The following ST18 variants were observed in gnomAD, a reference collection of about 807,000 sequenced individuals.
ST18 encodes the protein suppression of tumorigenicity 18 protein.
ST18 carries 50 observed loss-of-function variants against 110.0 expected under a neutral mutation model. That is an observed-to-expected ratio of 0.45 (90% CI 0.36 to 0.58). ST18 has a LOEUF of 0.58. Ranked by LOEUF, ST18 falls within the 20% of genes least tolerant of loss-of-function variation. The pLI is 0.00. For synonymous variants in ST18, 461 were observed against 452.4 expected, an observed-to-expected ratio of 1.02 and a Z score of -0.24; for missense variants, 1,306 against 1,280.1, an observed-to-expected ratio of 1.02 and a Z score of -0.31.
intron 15 of ST18, among the ~76,000 whole-genome samples, chr8:52,151,652 C>T (rs187071259): frequency 6.6e-6 from 1 of 152,210 alleles, no homozygotes. Context: ...CTGCCAGGAG[C>T]GCATCAAAAC....
chr8:52,355,440 A>G (rs1476892761), intron 2 of ST18, among the ~76,000 whole-genome samples: 1 of 152,216 alleles, frequency 6.6e-6, no homozygotes, highest in Non-Finnish European at 1.5e-5. Flanking sequence ...ATGAGGACAA[A>G]CAGGCTGGTA....
Position 52,348,751 on chromosome 8 carries a change from A to G in ST18, c.-465+60577T>C, listed in dbSNP as rs901092452. Among the ~76,000 whole-genome samples, 13 of 152,332 alleles carry G rather than the reference A, an allele frequency of 8.5e-5. No individual in the cohort carries two copies. In the South Asian group the frequency reaches 2.5e-3, roughly 29 times the overall value. ...AAAATGCAAAACTCCACCTCAAAAA[A>G]AATTGTATATATTTATCATGTACAG... On this transcript the variant is annotated intron_variant, in intron 2 of 25. Coordinates refer to ENST00000689386, the MANE Select transcript of ST18 (RefSeq NM_001352837.2).
At chr8:52,394,023 A>G (rs925638912) in intron 2 of ST18, 2 of 152,288 alleles carry the variant, frequency 1.3e-5, no homozygotes, top group Admixed American at 6.5e-5. Context: ...TACTGCCAAG[A>G]TCATCTAAGT....
chr8:52,165,318 C>A, intron 11 of ST18, 93 bp from the exon 12 acceptor site: 1 of 1,238,976 alleles, frequency 8.1e-7, no homozygotes, highest in Middle Eastern at 1.9e-4. Context: ...ATTTAAATGA[C>A]TTCAGTTCCA....
In ST18 at chr8:52,111,702, T is replaced by A. The variant is rs1484933034; in HGVS notation, c.*1496A>T. ...TATAGCACAGAAAATTAAGCCCACA[T>A]GAAGTTCATGTGTACATTTACACAG... On this transcript the variant is annotated 3_prime_UTR_variant, in exon 26 of 26. Coordinates refer to ENST00000689386, the MANE Select transcript of ST18 (RefSeq NM_001352837.2). 6.6e-6 allele frequency: 1 copy of A among 152,598 alleles called. No individual in the cohort carries two copies. Among genetic ancestry groups the A allele is most frequent in the African/African-American group, 2.4e-5 (1 of 41,428 alleles). 9.5% of individuals were successfully genotyped at this position (152,598 alleles called of 1,614,324 possible). A position where few individuals can be genotyped will look rare whatever the true frequency, so the allele number is the denominator to read the frequency against.
At chr8:52,146,900 A>T (rs1409552948) in intron 16 of ST18, among the ~76,000 whole-genome samples, 1 of 152,214 alleles carries the variant, frequency 6.6e-6, no homozygotes, top group Non-Finnish European at 1.5e-5. Flanking sequence ...TTCCCAACCA[A>T]TGAATCACCC....
At chr8:52,251,157 G>A (rs2094283969) in intron 2 of ST18, among the ~76,000 whole-genome samples, 1 of 152,114 alleles carries the variant, frequency 6.6e-6, no homozygotes, top group Admixed American at 6.5e-5. Context: ...GGAGCAACTA[G>A]TTTGAAGTGT....
chr8:52,228,866 TTCCA>T (rs1203844624), intron 3 of ST18, among the ~76,000 whole-genome samples: 39 of 152,092 alleles, frequency 2.6e-4, no homozygotes, highest in Admixed American at 2.6e-3. Context: ...CCCCTCGATG[TTCCA>T]TTCCACTCAG....
At chr8:52,162,697 C>T (rs1451471549) in intron 13 of ST18, among the ~76,000 whole-genome samples, 1 of 152,092 alleles carries the variant, frequency 6.6e-6, no homozygotes, top group African/African-American at 2.4e-5. Flanking sequence ...TAAACAAGGG[C>T]ATCAGATTTG....
intron 14 of ST18, among the ~76,000 whole-genome samples, chr8:52,160,999 T>C (rs140460361): frequency 6.6e-6 from 1 of 152,346 alleles, no homozygotes; most frequent in Non-Finnish European, 1.5e-5. Context: ...TAGATTTCCA[T>C]AATTTCAATA....
At chr8:52,127,389 T>A (rs2047494711) in intron 22 of ST18, among the ~76,000 whole-genome samples, 1 of 152,192 alleles carries the variant, frequency 6.6e-6, no homozygotes, top group Admixed American at 6.5e-5. Context: ...CAGAAGCTTC[T>A]CACTGTCAAC....
At chr8:52,122,307 T>C (rs899561489) in intron 23 of ST18, among the ~76,000 whole-genome samples, 1 of 152,128 alleles carries the variant, frequency 6.6e-6, no homozygotes, top group Non-Finnish European at 1.5e-5. Context: ...TTATATTTTC[T>C]TTGTATTCTG....
rs144266233 is a variant in ST18 at position 52,247,888 on chromosome 8, A to G, written c.-464-17811T>C. ...TTTTACTTGAAATTAAAAAGACACT[A>G]TTATACCACTTTCTTCACAAAATTT... is the stretch of plus-strand genomic sequence containing the variant. On this transcript the variant is annotated intron_variant, in intron 2 of 25. Transcript: ENST00000689386. Among the ~76,000 whole-genome samples, 12 of 152,310 alleles carry G rather than the reference A, an allele frequency of 7.9e-5. No individual in the cohort carries two copies. The East Asian group carries it at 2.3e-3, about 29-fold the overall frequency.
intron 2 of ST18, among the ~76,000 whole-genome samples, chr8:52,399,309 T>G (rs930945316): frequency 6.6e-6 from 1 of 152,064 alleles, no homozygotes; most frequent in African/African-American, 2.4e-5. Context: ...TGATTTTATT[T>G]GTTTGAGTCT....
intron 17 of ST18, among the ~76,000 whole-genome samples, chr8:52,140,863 T>A (rs1345466979): frequency 6.6e-6 from 1 of 152,092 alleles, no homozygotes; most frequent in Admixed American, 6.5e-5. Flanking sequence ...AGGATAAAAT[T>A]TTGCCATTTT....
At chr8:52,260,424 T>A (rs1467459041) in intron 2 of ST18, among the ~76,000 whole-genome samples, 2 of 151,482 alleles carry the variant, frequency 1.3e-5, no homozygotes, top group Non-Finnish European at 2.9e-5. Context: ...TTGTTCTTAT[T>A]TATCATGTGA....
intron 8 of ST18, among the ~76,000 whole-genome samples, chr8:52,182,006 A>G (rs2069859105): frequency 1.3e-5 from 2 of 152,154 alleles, no homozygotes; most frequent in Middle Eastern, 3.2e-3. Flanking sequence ...AAGGATAGTT[A>G]AAGTATCCTG....
rs2052477799 is a variant in ST18 at position 52,136,618 on chromosome 8, G to A, written c.2272C>T (p.Leu758Phe). Reference sequence around the variant, plus strand: ...AGCTCCTGAGAGTTGGCAGCCATGAGGGATTTTAGAGTCTTATCTGCTAAA... The same window carrying A: ...AGCTCCTGAGAGTTGGCAGCCATGAAGGATTTTAGAGTCTTATCTGCTAAA... ...CPLADKTLKS[L>F]MAANSQELKC... Residue 758 changes from leucine to phenylalanine, a missense_variant, in exon 19 of 26, where the codon CTC becomes TTC. By Grantham distance (22) the Leu-to-Phe change is conservative. Transcript: ENST00000689386. 1 of 1,611,436 alleles carries A rather than the reference G, an allele frequency of 6.2e-7. No individual in the cohort carries two copies. Among genetic ancestry groups the A allele is most frequent in the Non-Finnish European group, 8.5e-7 (1 of 1,179,088 alleles).
chr8:52,283,878 G>GT (rs1407656777), intron 2 of ST18, among the ~76,000 whole-genome samples: 2 of 152,150 alleles, frequency 1.3e-5, no homozygotes, highest in African/African-American at 4.8e-5. Context: ...AGCACGGGAG[G>GT]TTTAAGAAGA....
Sources: allele counts gnomAD v4.1 joint callset (sites outside exome capture counted in the v4.1 genomes callset), GRCh38; gene constraint gnomAD v4.1.1; transcripts MANE v1.5; gene names NCBI Gene and HGNC (gene_info 2026-07-23, HGNC 2026-07-21).